KIAA0408: variants seen among roughly 807,000 people sequenced by gnomAD.
KIAA0408 encodes uncharacterized protein KIAA0408.
Under a neutral mutation model 60.9 loss-of-function variants are expected in KIAA0408, and 51 were observed. The observed-to-expected ratio is 0.84, with a 90% CI of 0.67 to 1.06. The LOEUF is 1.06. KIAA0408 is among the 50% of genes least tolerant of loss of function. The pLI, the probability that KIAA0408 is intolerant of heterozygous loss-of-function variation, is 0.00. For missense variants in KIAA0408, 787 were observed against 833.9 expected (o/e 0.94, Z 0.69); for synonymous variants, 304 against 282.4 (o/e 1.08, Z -0.77).
intron 2 of KIAA0408, among the ~76,000 whole-genome samples, chr6:127,451,557 GC>G (rs1773302833): frequency 6.6e-6 from 1 of 152,104 alleles, no homozygotes; most frequent in South Asian, 2.1e-4. Flanking sequence ...TCCTGTTTTT[GC>G]GAAGTCATGA....
At chr6:127,447,954 C>T (rs1773233484) in intron 4 of KIAA0408, among the ~76,000 whole-genome samples, 1 of 152,172 alleles carries the variant, frequency 6.6e-6, no homozygotes, top group African/African-American at 2.4e-5. Flanking sequence ...ATGCTCTACA[C>T]ACTCTGACTC....
At position 127,449,876 on chromosome 6, in the gene KIAA0408, C is replaced by G. The variant is rs770770015; in HGVS notation, c.524G>C (p.Ser175Thr). The change falls in exon 4 of 6, where the codon AGT becomes ACT. Residue 175 changes from serine to threonine, a missense_variant. By Grantham distance (58) the Ser-to-Thr change is moderately conservative. Coordinates refer to ENST00000483725, the MANE Select transcript of KIAA0408 (RefSeq NM_014702.5). The part of the protein sequence containing the change: ...STALEELAKV[S>T]EELCSFQEEI... ...CTCTTGAAAGCTGCATAATTCTTCA[C>G]TCACCTTCGCAAGTTCTTCAAGAGC... 6.2e-7 allele frequency: 1 copy of G among 1,613,970 alleles called. No individual in the cohort carries two copies. The highest frequency in any genetic ancestry group is 8.5e-7 in the Non-Finnish European group (1 of 1,179,980).
rs1436640647 is a variant in KIAA0408, at chr6:127,438,562, C to A, written c.*5547G>T. The A allele has an allele frequency of 6.6e-6, 1 of 152,176 alleles. No individual in the cohort carries two copies. Among genetic ancestry groups the A allele is most frequent in the Non-Finnish European group, 1.5e-5 (1 of 68,022 alleles). The allele number at this position is 152,176 out of a possible 1,614,324, so 9.4% of individuals were successfully genotyped here. A position where few individuals can be genotyped will look rare whatever the true frequency, so the allele number is the denominator to read the frequency against. On this transcript the variant is annotated 3_prime_UTR_variant, in exon 6 of 6. Coordinates refer to ENST00000483725, the MANE Select transcript of KIAA0408 (RefSeq NM_014702.5). The stretch of plus-strand genomic sequence containing the variant: ...TGAGAAACGTGTTCTCAGGTGATTT[C>A]ATCACTGAGCGAACATCACAGAGTG...
chr6:127,450,597 A>G (rs1413784682), intron 2 of KIAA0408: 10 of 391,554 alleles, frequency 2.6e-5, no homozygotes, highest in Non-Finnish European at 3.9e-5. Context: ...CTAGCAATCA[A>G]TCATTCAAAA....
rs906599255 is a variant in KIAA0408, at chr6:127,440,900, C to T, written c.*3209G>A. 5 of 152,250 alleles carry T rather than the reference C, an allele frequency of 3.3e-5. No homozygotes were observed. The highest frequency in any genetic ancestry group is 2.0e-4 in the Admixed American group (3 of 15,284). The allele number at this position is 152,250 out of a possible 1,614,324, so 9.4% of individuals were successfully genotyped here. A position where few individuals can be genotyped will look rare whatever the true frequency, so the allele number is the denominator to read the frequency against. ...TCAGGCAGGTTTGGCTTCAGTTGTA[C>T]TACCTAGAGATATTTTGGAAGAAGC... is the stretch of plus-strand genomic sequence containing the variant. On this transcript the variant is annotated 3_prime_UTR_variant, in exon 6 of 6. Coordinates refer to ENST00000483725, the MANE Select transcript of KIAA0408 (RefSeq NM_014702.5).
At chr6:127,456,793 G>A (rs947205999) in intron 1 of KIAA0408, among the ~76,000 whole-genome samples, 15 of 142,554 alleles carry the variant, frequency 1.1e-4, no homozygotes, top group African/African-American at 2.1e-4. Flanking sequence ...GTGGGGGGGG[G>A]GCATAGAATT....
rs780323922 is a variant in KIAA0408, at chr6:127,450,312, T to C, written c.176A>G (p.Asn59Ser). The change falls in exon 3 of 6, where the codon AAT (asparagine) becomes AGT (serine). Residue 59 changes from asparagine (N) to serine (S), a missense_variant. Physicochemically the swap from Asn to Ser is conservative, Grantham distance 46 (BLOSUM62 1). Coordinates refer to ENST00000483725, the MANE Select transcript of KIAA0408 (RefSeq NM_014702.5). ...AAGATCAATGATCTTAGCACTTTCA[T>C]TGATATTGATTTTCCTCCAAAGCTT... is the stretch of plus-strand genomic sequence containing the variant. The part of the protein sequence containing the change: ...EVKLWRKINI[N>S]ESAKIIDLYH... 1.2e-6 allele frequency: 2 copies of C among 1,604,754 alleles called. No homozygotes were observed. Among genetic ancestry groups the C allele is most frequent in the South Asian group, 1.1e-5 (1 of 89,144 alleles).
rs1773055052 is a variant in KIAA0408, at chr6:127,438,485, CT to C, written c.*5623del. Reference sequence around the variant, plus strand: ...TGAAAAATAAAGCTTCAAAAATAAACTGGCAGCAGAGCACAATTGCAGTCAC... The same window carrying C: ...TGAAAAATAAAGCTTCAAAAATAAACGGCAGCAGAGCACAATTGCAGTCAC... On this transcript the variant is annotated 3_prime_UTR_variant, in exon 6 of 6. Transcript: ENST00000483725. The C allele has an allele frequency of 6.6e-6, 1 of 152,096 alleles. No individual in the cohort carries two copies. The highest frequency in any genetic ancestry group is 2.1e-4 in the South Asian group (1 of 4,820). The allele number at this position is 152,096 out of a possible 1,614,324, so 9.4% of individuals were successfully genotyped here.
chr6:127,453,713 A>T, intron 2 of KIAA0408, 134 bp downstream of exon 2: 1 of 1,155,968 alleles, frequency 8.7e-7, no homozygotes, highest in Non-Finnish European at 1.2e-6. Context: ...TTTTTGTTCT[A>T]GTAAATGTCA....
chr6:127,452,953 C>T (rs528943044), intron 2 of KIAA0408, among the ~76,000 whole-genome samples: 8 of 152,014 alleles, frequency 5.3e-5, no homozygotes, highest in Non-Finnish European at 1.0e-4. Context: ...AGCTTTCTTC[C>T]TACTATGCCA....
rs767969756 is a variant in KIAA0408 at position 127,446,667 on chromosome 6, G to T, written c.1652C>A (p.Pro551Gln). The T allele has an allele frequency of 5.0e-6, 8 of 1,613,768 alleles. No individual in the cohort carries two copies. Among genetic ancestry groups the T allele is most frequent in the Admixed American group, 1.7e-5 (1 of 59,956 alleles). The change falls in exon 5 of 6, where the codon CCG (proline) becomes CAG (glutamine). Residue 551 changes from proline (P) to glutamine (Q), a missense_variant. Pro to Gln is a moderately conservative substitution (Grantham distance 76). Coordinates refer to ENST00000483725, the MANE Select transcript of KIAA0408 (RefSeq NM_014702.5). ...DWRPSNLSGR[P>Q]RSADPRSNYG... is the part of the protein sequence containing the mutation. ...ATTTGACCTGGGATCAGCTGACCTCGGACGGCCAGACAAATTACTCGGTCT... is the reference window on the plus strand; with the variant it reads ...ATTTGACCTGGGATCAGCTGACCTCTGACGGCCAGACAAATTACTCGGTCT...
At chr6:127,450,555 G>T in intron 2 of KIAA0408, 1 of 678,392 alleles carries the variant, frequency 1.5e-6, no homozygotes, top group Non-Finnish European at 2.2e-6. Context: ...GCTACTTTTA[G>T]TAGGGCAACA....
At chr6:127,447,802 C>G (rs1773230946) in intron 4 of KIAA0408, 62 bp from the exon 5 acceptor site, 1 of 1,456,984 alleles carries the variant, frequency 6.9e-7, no homozygotes, top group African/African-American at 1.4e-5. Flanking sequence ...CTCTCAAAAG[C>G]AAACATAGCT....
chr6:127,447,360 A>C lies in KIAA0408; in HGVS notation c.959T>G (p.Met320Arg), dbSNP rs150954722. 33 of 1,612,360 alleles carry C rather than the reference A, an allele frequency of 2.0e-5. No homozygotes were observed. The highest frequency in any genetic ancestry group is 2.7e-5 in the Non-Finnish European group (32 of 1,179,488). The change falls in exon 5 of 6, where the codon ATG becomes AGG. Residue 320 changes from methionine to arginine, a missense_variant. Physicochemically the swap from Met to Arg is moderately conservative, Grantham distance 91. Transcript: ENST00000483725. ...NPHFPLRQQE[M>R]SMLYPNEGKT... ...CCCTTCATTTGGATACAACATAGACATCTCTTGTTGTCTCAAAGGGAAGTG... is the reference window on the plus strand; with the variant it reads ...CCCTTCATTTGGATACAACATAGACCTCTCTTGTTGTCTCAAAGGGAAGTG...
In KIAA0408 at chr6:127,440,324, CTTTTTTTTTT is replaced by C. The variant is rs5879851; in HGVS notation, c.*3775_*3784del. On this transcript the variant is annotated 3_prime_UTR_variant, in exon 6 of 6. Coordinates refer to ENST00000483725, the MANE Select transcript of KIAA0408 (RefSeq NM_014702.5). Reference sequence around the variant, plus strand: ...GATGAACAAGTCATAGTTATAAGTTCTTTTTTTTTTTTTTTTTTGAGACAGAGTCTCACTC... The same window carrying C: ...GATGAACAAGTCATAGTTATAAGTTCTTTTTTTTGAGACAGAGTCTCACTC... The C allele has an allele frequency of 8.0e-6, 1 of 124,926 alleles. No individual in the cohort carries two copies. Among genetic ancestry groups the C allele is most frequent in the Non-Finnish European group, 1.6e-5 (1 of 61,402 alleles). 7.7% of individuals were successfully genotyped at this position (124,926 alleles called of 1,614,324 possible).
rs1422633925 is a variant in KIAA0408 at position 127,439,395 on chromosome 6, A to C, written c.*4714T>G. ...CTTCAACATCATGTCCTACATACAAAATTTATATAAAATCAGAGCATAGGC... is the reference window on the plus strand; with the variant it reads ...CTTCAACATCATGTCCTACATACAACATTTATATAAAATCAGAGCATAGGC... On this transcript the variant is annotated 3_prime_UTR_variant, in exon 6 of 6. Coordinates refer to ENST00000483725, the MANE Select transcript of KIAA0408 (RefSeq NM_014702.5). 6.6e-6 allele frequency: 1 copy of C among 152,174 alleles called. No individual in the cohort carries two copies. 9.4% of individuals were successfully genotyped at this position (152,174 alleles called of 1,614,324 possible). A position where few individuals can be genotyped will look rare whatever the true frequency, so the allele number is the denominator to read the frequency against.
In KIAA0408 at chr6:127,444,211, GA is replaced by G. The variant is rs757451730; in HGVS notation, c.1982del (p.Leu661ProfsTer32). On this transcript the variant is annotated frameshift_variant, in exon 6 of 6. Transcript: ENST00000483725. LOFTEE classifies it high-confidence loss of function. The part of the protein sequence containing the change: ...SRPARPANRR[L>X]PSRWASRSPS... ...GAGATCTGGATGCCCATCTGGAGGG[GA>G]GACGACGATTTGCTGGTCTAGCAGG... 1.1e-4 allele frequency: 171 copies of G among 1,613,402 alleles called. No homozygotes were observed. The highest frequency in any genetic ancestry group is 1.3e-4 in the Non-Finnish European group (158 of 1,179,844).
intron 1 of KIAA0408, among the ~76,000 whole-genome samples, chr6:127,454,687 A>C (rs187721906): frequency 1.3e-5 from 2 of 152,228 alleles, no homozygotes; most frequent in African/African-American, 4.8e-5. Flanking sequence ...AAATATATTC[A>C]TTATGTCACT....
At chr6:127,449,933 C>G (rs1303619313) in intron 3 of KIAA0408, 32 bp from the exon 4 acceptor site, 6 of 1,613,912 alleles carry the variant, frequency 3.7e-6, no homozygotes, top group Non-Finnish European at 4.2e-6. Flanking sequence ...CCCGTTAGCA[C>G]TTTGAAATGT....
Sources: allele counts gnomAD v4.1 joint callset (sites outside exome capture counted in the v4.1 genomes callset), GRCh38; gene constraint gnomAD v4.1.1; transcripts MANE v1.5; gene names NCBI Gene and HGNC (gene_info 2026-07-23, HGNC 2026-07-21).